RCAN1: variants seen among roughly 807,000 people sequenced by gnomAD.
RCAN1 encodes the protein regulator of calcineurin 1, also known as calcipressin-1.
In RCAN1, 11 loss-of-function variants were observed where a neutral mutation model predicts 22.9. The ratio of observed to expected loss-of-function variants is 0.48; its 90% confidence interval spans 0.30 to 0.79. RCAN1 has a LOEUF of 0.79. RCAN1 is among the 30% of genes least tolerant of loss of function. The pLI, the probability that RCAN1 is intolerant of heterozygous loss-of-function variation, is 0.06. For missense variants in RCAN1, 291 were observed against 337.8 expected, an observed-to-expected ratio of 0.86 and a Z score of 1.09; for synonymous variants, 136 against 142.3, an observed-to-expected ratio of 0.96 and a Z score of 0.32.
At chr21:34,563,818 GA>G (rs1986902782) in intron 1 of RCAN1, among the ~76,000 whole-genome samples, 3 of 142,586 alleles carry the variant, frequency 2.1e-5, no homozygotes, top group South Asian at 2.3e-4. Context: ...GAGAGAGAGA[GA>G]GGCAGGCATG....
At chr21:34,545,289 C>G (rs1175643127) in intron 1 of RCAN1, among the ~76,000 whole-genome samples, 1 of 152,194 alleles carries the variant, frequency 6.6e-6, no homozygotes. Flanking sequence ...TTGTCACCCA[C>G]CCTTCCAAAA....
chr21:34,608,408 A>C (rs191686554), intron 1 of RCAN1, among the ~76,000 whole-genome samples: 21 of 152,276 alleles, frequency 1.4e-4, no homozygotes, highest in Non-Finnish European at 2.8e-4. Context: ...AAGTGATGGG[A>C]TATCACTGAG....
At chr21:34,521,374 G>A (rs759750071) in intron 3 of RCAN1, 125 bp downstream of exon 3, 1 of 1,556,850 alleles carries the variant, frequency 6.4e-7, no homozygotes, top group South Asian at 1.2e-5. Context: ...AGAATACAGA[G>A]AAGCTCACAA....
Position 34,518,171 on chromosome 21 carries a change from T to A in RCAN1, c.672A>T (p.Glu224Asp), listed in dbSNP as rs1195077576. 6.2e-7 allele frequency: 1 copy of A among 1,614,228 alleles called. No homozygotes were observed. The highest frequency in any genetic ancestry group is 8.5e-7 in the Non-Finnish European group (1 of 1,180,040). Residue 224 changes from glutamate to aspartate, a missense_variant, in exon 4 of 4, where the codon GAA becomes GAT. Glu to Asp is a conservative substitution (Grantham distance 45). Transcript: ENST00000313806. The surrounding 1 kb of genome is among the most constrained non-coding windows in gnomAD (Gnocchi z 4.2). Reference sequence around the variant, plus strand: ...TCCTCATTCTTTCCATTTCCTCTTCTTCCTCCTTCTCTTGATCACTCTCAC... The same window carrying A: ...TCCTCATTCTTTCCATTTCCTCTTCATCCTCCTTCTCTTGATCACTCTCAC... Reference protein sequence around the residue: ...HVCESDQEKEEEEEMERMRRP... With the variant: ...HVCESDQEKEDEEEMERMRRP...
At chr21:34,556,080 A>ATAAATAAATAAAT (rs1428779036) in intron 1 of RCAN1, among the ~76,000 whole-genome samples, 1 of 105,212 alleles carries the variant, frequency 9.5e-6, no homozygotes, top group Non-Finnish European at 1.9e-5. Flanking sequence ...AAATAAATAA[A>ATAAATAAATAAAT]TAAATAAATA....
intron 1 of RCAN1, among the ~76,000 whole-genome samples, chr21:34,596,668 A>T (rs1219998623): frequency 1.3e-5 from 2 of 152,214 alleles, no homozygotes; most frequent in African/African-American, 4.8e-5. Context: ...ACTGGAAAAT[A>T]CATTCGAACC....
chr21:34,588,457 A>G (rs916072109), intron 1 of RCAN1, among the ~76,000 whole-genome samples: 4 of 152,236 alleles, frequency 2.6e-5, no homozygotes, highest in African/African-American at 7.2e-5. Context: ...GTTATACTTC[A>G]ATTAGAAAAG....
At chr21:34,530,305 T>A (rs945063945) in intron 1 of RCAN1, among the ~76,000 whole-genome samples, 1 of 152,238 alleles carries the variant, frequency 6.6e-6, no homozygotes, top group African/African-American at 2.4e-5. Flanking sequence ...ACAGTTTCCA[T>A]TAGGAAGTTT....
intron 1 of RCAN1, among the ~76,000 whole-genome samples, chr21:34,609,534 G>A (rs1051122223): frequency 1.3e-5 from 2 of 152,166 alleles, no homozygotes; most frequent in Non-Finnish European, 2.9e-5. Flanking sequence ...TTTTTAAAAG[G>A]AGAGAAACAA....
In RCAN1 at chr21:34,602,763, C is replaced by T. The variant is rs533239112; in HGVS notation, c.252+11997G>A. ...TACTGAGTAACCTAATACCTGAAGC[C>T]AGCTCAGAAAATTCCCATTATCTCT... On this transcript the variant is annotated intron_variant, in intron 1 of 3. Transcript: ENST00000313806. Among the ~76,000 whole-genome samples, 6 of 152,328 alleles carry T rather than the reference C, an allele frequency of 3.9e-5. No homozygotes were observed. In the South Asian group the frequency reaches 1.0e-3, roughly 26 times the overall value.
chr21:34,593,719 A>T (rs933240716), intron 1 of RCAN1, among the ~76,000 whole-genome samples: 2 of 152,170 alleles, frequency 1.3e-5, no homozygotes, highest in African/African-American at 4.8e-5. Context: ...GGGCCAGCTG[A>T]TGCATGGGGA....
At chr21:34,563,788 T>TAGAGAGAGAGAG (rs1349261254) in intron 1 of RCAN1, among the ~76,000 whole-genome samples, 1 of 94,096 alleles carries the variant, frequency 1.1e-5, no homozygotes, top group Non-Finnish European at 2.2e-5. Flanking sequence ...TATATATATA[T>TAGAGAGAGAGAG]ATATATAGAG....
chr21:34,613,223 C>T (rs1338104543), intron 1 of RCAN1, among the ~76,000 whole-genome samples: 2 of 152,168 alleles, frequency 1.3e-5, no homozygotes, highest in Non-Finnish European at 2.9e-5. Flanking sequence ...CTCCCCTCCA[C>T]TCCCAGATCT....
chr21:34,603,693 G>A (rs966182683), intron 1 of RCAN1, among the ~76,000 whole-genome samples: 1 of 152,178 alleles, frequency 6.6e-6, no homozygotes, highest in Admixed American at 6.5e-5. Flanking sequence ...TATAAAGGGT[G>A]AAGAAGTCTC....
intron 1 of RCAN1, among the ~76,000 whole-genome samples, chr21:34,566,287 A>G (rs1987005029): frequency 6.6e-6 from 1 of 152,214 alleles, no homozygotes; most frequent in African/African-American, 2.4e-5. Context: ...GACCCACTCA[A>G]TATTCCAGGA....
chr21:34,537,906 G>T (rs1985745781), intron 1 of RCAN1, among the ~76,000 whole-genome samples: 1 of 152,196 alleles, frequency 6.6e-6, no homozygotes, highest in Non-Finnish European at 1.5e-5. Flanking sequence ...GTGACTCCCT[G>T]GGCATCTGTG....
At chr21:34,549,804 TC>T (rs1568902139) in intron 1 of RCAN1, among the ~76,000 whole-genome samples, 2 of 152,018 alleles carry the variant, frequency 1.3e-5, no homozygotes, top group Non-Finnish European at 2.9e-5. Context: ...TGTCCATCCA[TC>T]ATCCATCCAT....
At chr21:34,589,676 G>T (rs1987907515) in intron 1 of RCAN1, among the ~76,000 whole-genome samples, 1 of 150,910 alleles carries the variant, frequency 6.6e-6, no homozygotes, top group Admixed American at 6.6e-5. Flanking sequence ...AATCTGCTGG[G>T]GGCCTGAAGA....
At chr21:34,547,163 T>A (rs1601161227) in intron 1 of RCAN1, among the ~76,000 whole-genome samples, 1 of 152,168 alleles carries the variant, frequency 6.6e-6, no homozygotes, top group African/African-American at 2.4e-5. Flanking sequence ...AGCGAAGGGT[T>A]CGGGTTCCAC....
Sources: allele counts gnomAD v4.1 joint callset (sites outside exome capture counted in the v4.1 genomes callset), GRCh38; gene constraint gnomAD v4.1.1; non-coding constraint Gnocchi (gnomAD v3.1); transcripts MANE v1.5; gene names NCBI Gene and HGNC (gene_info 2026-07-23, HGNC 2026-07-21).